The following PRKCE variants were observed in gnomAD, a reference collection of about 807,000 sequenced individuals.
PRKCE encodes protein kinase C epsilon type.
PRKCE carries 16 observed loss-of-function variants against 85.4 expected under a neutral mutation model. That is an observed-to-expected ratio of 0.19 (90% CI 0.13 to 0.28). The LOEUF is 0.28. Among genes scored for constraint, PRKCE ranks in the 10% least tolerant of loss-of-function variants. The probability of loss-of-function intolerance (pLI) is 1.00; values close to 1 mark genes in which losing one functional copy is unlikely to be tolerated. For missense variants in PRKCE, 573 were observed against 975.2 expected, an observed-to-expected ratio of 0.59 and a Z score of 5.49; for synonymous variants, 388 against 371.5, an observed-to-expected ratio of 1.04 and a Z score of -0.51.
intron 2 of PRKCE, among the ~76,000 whole-genome samples, chr2:45,955,184 A>T (rs1282619597): frequency 6.6e-6 from 1 of 152,230 alleles, no homozygotes; most frequent in African/African-American, 2.4e-5. Flanking sequence ...GAAGAAAAAG[A>T]TCCCTGTGGA....
At chr2:45,889,746 C>A (rs1228832751) in intron 2 of PRKCE, among the ~76,000 whole-genome samples, 2 of 152,184 alleles carry the variant, frequency 1.3e-5, no homozygotes, top group East Asian at 3.9e-4. Context: ...TTGTGGCTCC[C>A]TCCATTTTTA....
At chr2:45,992,071 C>T (rs767220132) in intron 6 of PRKCE, among the ~76,000 whole-genome samples, 1 of 152,134 alleles carries the variant, frequency 6.6e-6, no homozygotes, top group Non-Finnish European at 1.5e-5. Context: ...GGTCATTGAA[C>T]ATAATAAGTG....
At chr2:45,921,480 T>C (rs1371873208) in intron 2 of PRKCE, among the ~76,000 whole-genome samples, 1 of 152,264 alleles carries the variant, frequency 6.6e-6, no homozygotes, top group African/African-American at 2.4e-5. Context: ...AGCTTATTTG[T>C]TCCTCACAAT....
At chr2:45,670,395 C>T (rs1168350414) in intron 1 of PRKCE, among the ~76,000 whole-genome samples, 2 of 152,252 alleles carry the variant, frequency 1.3e-5, no homozygotes, top group African/African-American at 4.8e-5. Context: ...TTGATGAAAT[C>T]AATTGCGTGG....
At chr2:45,742,223 C>G (rs1471471854) in intron 1 of PRKCE, among the ~76,000 whole-genome samples, 4 of 151,974 alleles carry the variant, frequency 2.6e-5, no homozygotes, top group African/African-American at 9.7e-5. Context: ...GGGTAACTAT[C>G]CAAAATATAT....
intron 10 of PRKCE, among the ~76,000 whole-genome samples, chr2:46,022,043 A>C (rs192629948): frequency 6.6e-6 from 1 of 152,224 alleles, no homozygotes; most frequent in East Asian, 1.9e-4. Context: ...ATGATTCCTA[A>C]TGCTCTGATT....
At chr2:46,151,900 C>A (rs1166917175) in intron 13 of PRKCE, among the ~76,000 whole-genome samples, 1 of 152,112 alleles carries the variant, frequency 6.6e-6, no homozygotes. Context: ...GTGATGTTAC[C>A]TGTCCCCTTT....
chr2:45,803,022 G>A (rs1051109099), intron 1 of PRKCE, among the ~76,000 whole-genome samples: 1 of 152,146 alleles, frequency 6.6e-6, no homozygotes, highest in Non-Finnish European at 1.5e-5. Context: ...CAGTATGAAA[G>A]GTATAGACAC....
In PRKCE at chr2:45,860,655, C is replaced by G. The variant is rs545237857; in HGVS notation, c.412+17592C>G. On this transcript the variant is annotated intron_variant, in intron 2 of 14. Transcript: ENST00000306156. Reference sequence around the variant, plus strand: ...GGAGGGGGTGTAGTGGCTGTGGTGGCTGTGGACTGAAGGGAGTGAGGACAG... The same window carrying G: ...GGAGGGGGTGTAGTGGCTGTGGTGGGTGTGGACTGAAGGGAGTGAGGACAG... 1.9e-3 allele frequency among the ~76,000 whole-genome samples: 289 copies of G among 152,212 alleles called. 1 individual carries two copies. Among genetic ancestry groups the G allele is most frequent in the Middle Eastern group, 3.4e-3 (1 of 294 alleles).
rs1306874119 is a variant in PRKCE at position 46,187,694 on chromosome 2, A to G, written c.*2813A>G. On this transcript the variant is annotated 3_prime_UTR_variant, in exon 15 of 15. Transcript: ENST00000306156. ...ATAATTTTTTTTCCTCCAAAGGTGA[A>G]AAAACAATGCATTCTTGCTTTAAAA... 1 of 152,488 alleles carries G rather than the reference A, an allele frequency of 6.6e-6. No individual in the cohort carries two copies. Among genetic ancestry groups the G allele is most frequent in the Non-Finnish European group, 1.5e-5 (1 of 68,014 alleles). The allele number at this position is 152,488 out of a possible 1,614,324, so 9.4% of individuals were successfully genotyped here.
chr2:46,055,385 C>T (rs372462517), intron 10 of PRKCE, among the ~76,000 whole-genome samples: 6 of 152,238 alleles, frequency 3.9e-5, no homozygotes, highest in Admixed American at 6.5e-5. Flanking sequence ...AGCACCGAAG[C>T]GGCTGGCTAG....
chr2:45,673,457 C>A (rs750388707), intron 1 of PRKCE, among the ~76,000 whole-genome samples: 23 of 152,204 alleles, frequency 1.5e-4, no homozygotes, highest in South Asian at 1.2e-3. Flanking sequence ...TTTGATTGTT[C>A]AACACACATT....
In PRKCE at chr2:46,185,017, G is replaced by A. The variant is rs1335845333; in HGVS notation, c.*136G>A. On this transcript the variant is annotated 3_prime_UTR_variant, in exon 15 of 15. Coordinates refer to ENST00000306156, the MANE Select transcript of PRKCE (RefSeq NM_005400.3). The surrounding 1 kb of genome is among the most constrained non-coding windows in gnomAD (Gnocchi z 4.7). ...GTCCCATGTCCACTGTCTATTTATT[G>A]CATTCCCTTGCCCCAGGCCACCTCC... The A allele has an allele frequency of 1.0e-5, 13 of 1,246,460 alleles. No homozygotes were observed. Among genetic ancestry groups the A allele is most frequent in the Admixed American group, 7.1e-5 (3 of 42,048 alleles). The allele number at this position is 1,246,460 out of a possible 1,614,324, so 77.2% of individuals were successfully genotyped here.
chr2:45,655,055 T>C (rs796137818), intron 1 of PRKCE, among the ~76,000 whole-genome samples: 5 of 152,354 alleles, frequency 3.3e-5, no homozygotes, highest in African/African-American at 4.8e-5. Flanking sequence ...GCCGTTTCTC[T>C]CATTTTTGCG....
At chr2:45,887,621 C>T (rs1695398015) in intron 2 of PRKCE, among the ~76,000 whole-genome samples, 1 of 151,836 alleles carries the variant, frequency 6.6e-6, no homozygotes, top group Non-Finnish European at 1.5e-5. Context: ...TTGAGAGGGT[C>T]CCACAATCAG....
chr2:45,991,173 A>C (rs557164230), intron 6 of PRKCE, among the ~76,000 whole-genome samples: 43 of 150,494 alleles, frequency 2.9e-4, no homozygotes, highest in Admixed American at 1.8e-3. Context: ...CGCCCGGCAA[A>C]TTTTTACATT....
At chr2:45,777,704 C>G (rs578120666) in intron 1 of PRKCE, among the ~76,000 whole-genome samples, 3 of 152,250 alleles carry the variant, frequency 2.0e-5, no homozygotes, top group South Asian at 4.1e-4. Context: ...AAAGGTCATA[C>G]GGTTCGGGAA....
Position 46,159,831 on chromosome 2 carries a change from G to A in PRKCE, c.2067+79G>A. 2 of 1,557,782 alleles carry A rather than the reference G, an allele frequency of 1.3e-6. No homozygotes were observed. The highest frequency in any genetic ancestry group is 1.7e-6 in the Non-Finnish European group (2 of 1,155,260). On this transcript the variant is annotated intron_variant, in intron 14 of 14. Transcript: ENST00000306156. This position sits in a 1 kb window ranked among gnomAD's most constrained non-coding sequence, Gnocchi z 4.1. ...AGGACAGGCTGCGTGCACCCAGGAA[G>A]AGTTGGTCAGGGGATGCGTATTACA... is the stretch of plus-strand genomic sequence containing the variant.
chr2:46,097,532 A>AT (rs1421151847), intron 11 of PRKCE, among the ~76,000 whole-genome samples: 1 of 149,484 alleles, frequency 6.7e-6, no homozygotes, highest in Non-Finnish European at 1.5e-5. Context: ...AAAAAAAAAA[A>AT]AAAAAGCTGT....
Sources: gnomAD v4.1 joint callset for allele counts (sites outside exome capture counted in the v4.1 genomes callset) on GRCh38, gnomAD v4.1.1 for gene constraint, Gnocchi (gnomAD v3.1) non-coding constraint, MANE v1.5 for transcripts, NCBI Gene and HGNC (gene_info 2026-07-23, HGNC 2026-07-21) for gene names.